The following TRRAP variants were observed in gnomAD, a reference collection of about 807,000 sequenced individuals.
TRRAP encodes transformation/transcription domain associated protein.
TRRAP carries 41 observed loss-of-function variants against 438.8 expected under a neutral mutation model. That is an observed-to-expected ratio of 0.09 (90% CI 0.07 to 0.12). The LOEUF (loss-of-function observed/expected upper bound fraction) is 0.12. TRRAP is among the 10% of genes least tolerant of loss of function. TRRAP has a pLI of 1.00. For missense variants in TRRAP, 3,122 were observed against 5,055.1 expected (o/e 0.62, Z 11.60); for synonymous variants, 1,994 against 1,962.9 (o/e 1.02, Z -0.42).
chr7:98,911,062 T>A lies in TRRAP; in HGVS notation c.1813-15T>A, dbSNP rs1554408641. ...AGTTTTAATGCCTGTGGGCGGCTTT[T>A]TTCCCCTGTATTAGGTCCAGATAGC... On this transcript the variant is annotated splice_polypyrimidine_tract_variant and intron_variant, in intron 16 of 72. Coordinates refer to ENST00000456197, the MANE Select transcript of TRRAP (RefSeq NM_001375524.1). The A allele has an allele frequency of 6.2e-7, 1 of 1,608,622 alleles. No homozygotes were observed. The highest frequency in any genetic ancestry group is 8.5e-7 in the Non-Finnish European group (1 of 1,177,696).
intron 46 of TRRAP, 80 bp downstream of exon 46, chr7:98,961,554 C>T (rs149077940): frequency 0.014 from 21,091 of 1,516,902 alleles, 176 homozygotes; most frequent in Non-Finnish European, 0.016. Flanking sequence ...GCTTGTCCTC[C>T]AGTTATTGTG....
At chr7:98,970,473 C>T (rs999107945) in intron 52 of TRRAP, among the ~76,000 whole-genome samples, 182 bp downstream of exon 52, 7 of 152,314 alleles carry the variant, frequency 4.6e-5, no homozygotes, top group Admixed American at 3.3e-4. Context: ...CCGCGCCCCA[C>T]GGGCAGAATC....
At chr7:98,943,973 A>G (rs182461135) in intron 31 of TRRAP, among the ~76,000 whole-genome samples, 31 of 152,166 alleles carry the variant, frequency 2.0e-4, no homozygotes, top group Non-Finnish European at 4.0e-4. Flanking sequence ...TTGTTTATGT[A>G]AGTCTTGTTT....
rs945206874 is a variant in TRRAP, at chr7:98,994,199, C to T, written c.10048-388C>T. Among the ~76,000 whole-genome samples the T allele has an allele frequency of 2.0e-5, 3 of 152,168 alleles. No individual in the cohort carries two copies. Among genetic ancestry groups the T allele is most frequent in the Admixed American group, 6.5e-5 (1 of 15,282 alleles). On this transcript the variant is annotated intron_variant, in intron 66 of 72. Transcript: ENST00000456197. The surrounding 1 kb of genome is among the most constrained non-coding windows in gnomAD (Gnocchi z 4.8). ...CCCAGATGCTTACCTGGTTGAGCCC[C>T]GGGGCCAGCTCCTTACTGCTGTGAA...
At position 98,953,127 on chromosome 7, in the gene TRRAP, T is replaced by G. The variant is rs1279700807; in HGVS notation, c.5464-40T>G. On this transcript the variant is annotated intron_variant, in intron 39 of 72. Transcript: ENST00000456197. ...TATGACCCTCAGTCAGTAACCCAGT[T>G]CACAACTGGAAATGAGTCCTTCCTG... The G allele has an allele frequency of 4.4e-6, 7 of 1,589,284 alleles. No homozygotes were observed. The East Asian group carries it at 1.4e-4, about 31-fold the overall frequency.
intron 53 of TRRAP, among the ~76,000 whole-genome samples, chr7:98,974,512 G>A (rs534647770): frequency 3.2e-4 from 49 of 152,252 alleles, no homozygotes; most frequent in African/African-American, 1.0e-3. Context: ...GGGCCACCAC[G>A]GGGTCCTCAC....
intron 60 of TRRAP, 95 bp downstream of exon 60, chr7:98,983,554 G>A: frequency 6.9e-7 from 1 of 1,444,400 alleles, no homozygotes; most frequent in South Asian, 1.3e-5. Flanking sequence ...GGTTTGGTTT[G>A]GTTTTTTTTT....
intron 67 of TRRAP, chr7:98,999,816 G>A (rs984919236): frequency 1.3e-4 from 66 of 498,804 alleles, no homozygotes; most frequent in East Asian, 2.5e-4. Context: ...AATCCCGATC[G>A]ATGCTGATTT....
intron 44 of TRRAP, among the ~76,000 whole-genome samples, chr7:98,958,369 C>T (rs1554420350): frequency 6.6e-6 from 1 of 151,648 alleles, no homozygotes. Context: ...GTGGTGCGAT[C>T]TTGGCTCACT....
intron 53 of TRRAP, among the ~76,000 whole-genome samples, chr7:98,973,274 A>G (rs1792499459): frequency 1.3e-5 from 2 of 152,042 alleles, no homozygotes; most frequent in Non-Finnish European, 2.9e-5. Flanking sequence ...TAATAGACCC[A>G]TGTCCCTACT....
Position 98,928,914 on chromosome 7 carries a change from C to A in TRRAP, c.3176-1075C>A, listed in dbSNP as rs193123942. Among the ~76,000 whole-genome samples the A allele has an allele frequency of 6.0e-5, 9 of 150,828 alleles. No homozygotes were observed. The East Asian group carries it at 1.8e-3, about 29-fold the overall frequency. Reference sequence around the variant, plus strand: ...TCATCCTCTTGAGTAGCTGGGACTACAGGCATGTAACACCACGCCCGGCTA... The same window carrying A: ...TCATCCTCTTGAGTAGCTGGGACTAAAGGCATGTAACACCACGCCCGGCTA... On this transcript the variant is annotated intron_variant, in intron 23 of 72. Transcript: ENST00000456197.
chr7:98,996,672 C>T (rs560993486), intron 67 of TRRAP, among the ~76,000 whole-genome samples: 1 of 152,192 alleles, frequency 6.6e-6, no homozygotes, highest in Admixed American at 6.5e-5. Flanking sequence ...ACAAAATGTC[C>T]TGAATGGAAG....
chr7:99,012,687 C>T lies in TRRAP; in HGVS notation c.*332C>T, dbSNP rs1421094173. 5.7e-6 allele frequency: 2 copies of T among 353,528 alleles called. No homozygotes were observed. The highest frequency in any genetic ancestry group is 4.2e-5 in the African/African-American group (2 of 47,924). 21.9% of individuals were successfully genotyped at this position (353,528 alleles called of 1,614,324 possible). On this transcript the variant is annotated 3_prime_UTR_variant, in exon 73 of 73. Coordinates refer to ENST00000456197, the MANE Select transcript of TRRAP (RefSeq NM_001375524.1). This position sits in a 1 kb window ranked among gnomAD's most constrained non-coding sequence, Gnocchi z 5.9. ...ATGGTGTCCTCCCTCTGTGAATGTA[C>T]AGGCGGAACTGTACGAACAGCTCCC... is the stretch of plus-strand genomic sequence containing the variant.
chr7:98,900,872 T>C, intron 11 of TRRAP, 152 bp downstream of exon 11: 1 of 640,688 alleles, frequency 1.6e-6, no homozygotes, highest in Non-Finnish European at 2.6e-6. Flanking sequence ...ACCTCCAAAA[T>C]TCCATTGTTA....
chr7:98,984,340 C>T lies in TRRAP; in HGVS notation c.9270C>T (p.Gly3090=). The change falls in exon 61 of 73, where the codon GGC becomes GGT. Residue 3090 remains glycine, a synonymous_variant. Coordinates refer to ENST00000456197, the MANE Select transcript of TRRAP (RefSeq NM_001375524.1). ...KCYLQLAGVM[G]KNECMQGLEV... The stretch of plus-strand genomic sequence containing the variant: ...ACCTCCAGCTGGCAGGCGTCATGGG[C>T]AAAAACGAGTGCATGCAGGTGCGGA... The T allele has an allele frequency of 6.3e-7, 1 of 1,585,320 alleles. No individual in the cohort carries two copies. The highest frequency in any genetic ancestry group is 1.2e-5 in the South Asian group (1 of 85,740).
intron 57 of TRRAP, 84 bp downstream of exon 57, chr7:98,978,407 G>GT (rs1792767033): frequency 8.1e-7 from 1 of 1,238,982 alleles, no homozygotes; most frequent in Non-Finnish European, 1.2e-6. Context: ...TGTAATGAGC[G>GT]TTTTTTAAAG....
In TRRAP at chr7:98,994,164, C is replaced by T. The variant is rs1417946553; in HGVS notation, c.10048-423C>T. The stretch of plus-strand genomic sequence containing the variant: ...CTTAAGCTGATGACAGAATAGTCCA[C>T]GCCTCACTGCCCAGATGCTTACCTG... On this transcript the variant is annotated intron_variant, in intron 66 of 72. Transcript: ENST00000456197. The surrounding 1 kb of genome is among the most constrained non-coding windows in gnomAD (Gnocchi z 4.8). Among the ~76,000 whole-genome samples, 1 of 152,180 alleles carries T rather than the reference C, an allele frequency of 6.6e-6. No homozygotes were observed. The highest frequency in any genetic ancestry group is 6.5e-5 in the Admixed American group (1 of 15,278).
intron 59 of TRRAP, 124 bp downstream of exon 59, chr7:98,982,084 C>T (rs1210568447): frequency 4.0e-6 from 4 of 988,148 alleles, no homozygotes; most frequent in African/African-American, 1.7e-5. Flanking sequence ...CTTGTCTTGT[C>T]CTCTCCCACT....
Position 98,956,349 on chromosome 7 carries a change from C to T in TRRAP, c.6096+45C>T. ...GGGTGCCCCGATCGTCTTCCTTTGA[C>T]TTCTCCCTAGAAATCAGTCAGTAAA... On this transcript the variant is annotated intron_variant, in intron 42 of 72. Coordinates refer to ENST00000456197, the MANE Select transcript of TRRAP (RefSeq NM_001375524.1). This position sits in a 1 kb window ranked among gnomAD's most constrained non-coding sequence, Gnocchi z 4.5. 1 of 1,613,260 alleles carries T rather than the reference C, an allele frequency of 6.2e-7. No homozygotes were observed. The highest frequency in any genetic ancestry group is 8.5e-7 in the Non-Finnish European group (1 of 1,179,418).
Sources: allele counts gnomAD v4.1 joint callset (sites outside exome capture counted in the v4.1 genomes callset), GRCh38; gene constraint gnomAD v4.1.1; non-coding constraint Gnocchi (gnomAD v3.1); transcripts MANE v1.5; gene names NCBI Gene and HGNC (gene_info 2026-07-23, HGNC 2026-07-21).